The following CASP10 variants were observed in gnomAD, a reference collection of about 807,000 sequenced individuals.
CASP10 encodes caspase 10, also known as caspase-10.
In CASP10, 41 loss-of-function variants were observed where a neutral mutation model predicts 48.5. That is an observed-to-expected ratio of 0.85 (90% CI 0.66 to 1.10). CASP10 has a LOEUF of 1.10. Among genes scored for constraint, CASP10 ranks in the 50% least tolerant of loss-of-function variants. The pLI is 0.00. For synonymous variants in CASP10, 232 were observed against 238.4 expected (o/e 0.97, Z 0.25); for missense variants, 614 against 614.5 (o/e 1.00, Z 0.01).
At chr2:201,188,133 G>A (rs1944479398) in intron 3 of CASP10, among the ~76,000 whole-genome samples, 1 of 152,154 alleles carries the variant, frequency 6.6e-6, no homozygotes, top group African/African-American at 2.4e-5. Context: ...ATTTGGTATA[G>A]CATTCAGTAA....
intron 5 of CASP10, 45 bp downstream of exon 5, chr2:201,195,993 C>T (rs1419364950): frequency 7.7e-7 from 1 of 1,300,160 alleles, no homozygotes; most frequent in Non-Finnish European, 1.1e-6. Flanking sequence ...ACCGGCTCCA[C>T]CCTCCAACCT....
chr2:201,206,011 A>AT (rs1945191638), intron 7 of CASP10, 38 bp downstream of exon 7: 148 of 1,422,560 alleles, frequency 1.0e-4, no homozygotes, highest in Non-Finnish European at 1.3e-4. Context: ...TTAATAAAAA[A>AT]ATTTTTTTTC....
chr2:201,200,955 A>C (rs1944996878), intron 5 of CASP10, among the ~76,000 whole-genome samples: 1 of 152,160 alleles, frequency 6.6e-6, no homozygotes, highest in Non-Finnish European at 1.5e-5. Context: ...AATTAAAGCA[A>C]CATTTATGGG....
At chr2:201,184,524 A>G (rs1436280678) in intron 1 of CASP10, among the ~76,000 whole-genome samples, 2 of 151,990 alleles carry the variant, frequency 1.3e-5, no homozygotes, top group East Asian at 3.9e-4. Context: ...GGGTTTTACC[A>G]CGTTGCCCAG....
rs1945683856 is a variant in CASP10, at chr2:201,220,086, C to T, written c.*2345C>T. ...AGTAAATTTGTTATAAGAATATTCA[C>T]AAGAACACTGTTCTGATATCTCTGA... is the stretch of plus-strand genomic sequence containing the variant. On this transcript the variant is annotated 3_prime_UTR_variant, in exon 10 of 10. Transcript: ENST00000286186. The T allele has an allele frequency of 1.1e-5, 11 of 985,330 alleles. No homozygotes were observed. The highest frequency in any genetic ancestry group is 1.3e-5 in the Non-Finnish European group (11 of 829,832). The allele number at this position is 985,330 out of a possible 1,614,324, so 61.0% of individuals were successfully genotyped here. A position where few individuals can be genotyped will look rare whatever the true frequency, so the allele number is the denominator to read the frequency against.
At chr2:201,208,978 T>C in intron 8 of CASP10, 92 bp from the exon 9 acceptor site, 1 of 1,425,786 alleles carries the variant, frequency 7.0e-7, no homozygotes, top group East Asian at 2.4e-5. Context: ...GTGCCCGGCC[T>C]TGTTTCAGTT....
downstream of CASP10, among the ~76,000 whole-genome samples, chr2:201,225,810 A>T (rs1484976647): frequency 6.6e-6 from 1 of 152,056 alleles, no homozygotes; most frequent in Non-Finnish European, 1.5e-5. Context: ...GTCTGTACTA[A>T]AAAAAATTAG....
At chr2:201,189,824 CCCGGT>C (rs900006610) in intron 3 of CASP10, among the ~76,000 whole-genome samples, 9 of 151,956 alleles carry the variant, frequency 5.9e-5, no homozygotes, top group Non-Finnish European at 1.2e-4. Context: ...CATGACAAAA[CCCGGT>C]CTCTACAAAA....
At chr2:201,195,707 C>G (rs1047028238) in intron 4 of CASP10, 135 bp from the exon 5 acceptor site, 1 of 734,180 alleles carries the variant, frequency 1.4e-6, no homozygotes. Flanking sequence ...GAGACGGACT[C>G]CTACTCTGTC....
Position 201,218,210 on chromosome 2 carries a change from C to G in CASP10, c.*469C>G. The stretch of plus-strand genomic sequence containing the variant: ...TACTGGGATTATAGGCACGAGCCAC[C>G]ACACCTGGCCAGAAAACTTTCATTA... On this transcript the variant is annotated 3_prime_UTR_variant, in exon 10 of 10. Transcript: ENST00000286186. 9.9e-7 allele frequency: 1 copy of G among 1,012,800 alleles called. No homozygotes were observed. Among genetic ancestry groups the G allele is most frequent in the Non-Finnish European group, 1.2e-6 (1 of 846,268 alleles). The allele number at this position is 1,012,800 out of a possible 1,614,324, so 62.7% of individuals were successfully genotyped here. A position where few individuals can be genotyped will look rare whatever the true frequency, so the allele number is the denominator to read the frequency against.
rs761610318 is a variant in CASP10 at position 201,193,071 on chromosome 2, G to C, written c.529G>C (p.Val177Leu). Residue 177 changes from valine (V) to leucine (L), a missense_variant, in exon 4 of 10, where the codon GTT becomes CTT. Physicochemically the swap from Val to Leu is conservative, Grantham distance 32 (BLOSUM62 1). Coordinates refer to ENST00000286186, the MANE Select transcript of CASP10 (RefSeq NM_032977.4). ...LTCLEDLCKT[V>L]VPKLLRNIEK... ...ATGCCTGGAGGACCTCTGCAAAACA[G>C]TTGTACCTAAACTTTTGAGAAACAT... is the stretch of plus-strand genomic sequence containing the variant. 7.4e-6 allele frequency: 12 copies of C among 1,613,768 alleles called. No homozygotes were observed. In the East Asian group the frequency reaches 2.2e-4, roughly 30 times the overall value.
chr2:201,228,422 C>A (rs1945817069), intron 9 of CASP10, among the ~76,000 whole-genome samples: 1 of 152,186 alleles, frequency 6.6e-6, no homozygotes, highest in Non-Finnish European at 1.5e-5. Context: ...TCACCCCTAC[C>A]ACTCATGCCT....
chr2:201,224,399 C>G (rs560192311), downstream of CASP10, among the ~76,000 whole-genome samples: 1 of 152,242 alleles, frequency 6.6e-6, no homozygotes, highest in East Asian at 1.9e-4. Flanking sequence ...CCTAACATAA[C>G]TTTTGCAAAT....
chr2:201,215,387 A>G (rs1945540169), intron 9 of CASP10, among the ~76,000 whole-genome samples: 1 of 151,956 alleles, frequency 6.6e-6, no homozygotes, highest in Non-Finnish European at 1.5e-5. Flanking sequence ...TCATAGTTTC[A>G]GGTTTTACAT....
At chr2:201,204,951 T>C (rs1945148339) in intron 6 of CASP10, among the ~76,000 whole-genome samples, 2 of 152,312 alleles carry the variant, frequency 1.3e-5, no homozygotes, top group East Asian at 1.9e-4. Flanking sequence ...GACTGACCCT[T>C]AGCAGTAGTT....
downstream of CASP10, among the ~76,000 whole-genome samples, chr2:201,223,782 A>G (rs928608067): frequency 6.6e-6 from 1 of 152,158 alleles, no homozygotes; most frequent in Non-Finnish European, 1.5e-5. Context: ...AATAGGAACC[A>G]AATTTTTAAA....
At chr2:201,200,454 T>C (rs757186862) in intron 5 of CASP10, 3 of 1,598,342 alleles carry the variant, frequency 1.9e-6, no homozygotes, top group East Asian at 2.2e-5. Context: ...AAGGTGTTTT[T>C]GTTTTTTTAA....
intron 2 of CASP10, among the ~76,000 whole-genome samples, chr2:201,186,610 T>C (rs1049237243): frequency 2.6e-5 from 4 of 152,120 alleles, no homozygotes; most frequent in African/African-American, 9.7e-5. Context: ...TATTTTTGGG[T>C]GGGAATCCAG....
intron 7 of CASP10, chr2:201,206,317 G>A (rs190902760): frequency 1.9e-4 from 37 of 195,644 alleles, no homozygotes; most frequent in East Asian, 1.7e-3. Context: ...GATGTACCAC[G>A]ATTTCAAGGA....
Sources: allele counts gnomAD v4.1 joint callset (sites outside exome capture counted in the v4.1 genomes callset), GRCh38; gene constraint gnomAD v4.1.1; transcripts MANE v1.5; gene names NCBI Gene and HGNC (gene_info 2026-07-23, HGNC 2026-07-21).